ZFPM2: variants seen among roughly 807,000 people sequenced by gnomAD.
ZFPM2 encodes zinc finger protein, FOG family member 2, also known as zinc finger protein ZFPM2.
In ZFPM2, 20 loss-of-function variants were observed where a neutral mutation model predicts 98.6. The observed-to-expected ratio is 0.20, with a 90% CI of 0.14 to 0.29. The LOEUF (loss-of-function observed/expected upper bound fraction) is 0.29, where lower values mean the gene tolerates loss of function less well. ZFPM2 is among the 10% of genes least tolerant of loss of function. The pLI is 1.00. For missense variants in ZFPM2, 1,310 were observed against 1,388.6 expected (o/e 0.94, Z 0.90); for synonymous variants, 518 against 502.7 (o/e 1.03, Z -0.41).
chr8:105,586,372 T>C (rs536269692), intron 4 of ZFPM2, among the ~76,000 whole-genome samples: 1 of 152,052 alleles, frequency 6.6e-6, no homozygotes, highest in Non-Finnish European at 1.5e-5. Flanking sequence ...TTTCATATTT[T>C]TAGAGAAGTA....
intron 1 of ZFPM2, among the ~76,000 whole-genome samples, chr8:105,411,618 A>G (rs768761405): frequency 2.6e-5 from 4 of 151,946 alleles, no homozygotes; most frequent in Non-Finnish European, 5.9e-5. Context: ...TCTCAATCAT[A>G]TAAAAATATA....
At chr8:105,663,879 T>C (rs1181901481) in intron 5 of ZFPM2, among the ~76,000 whole-genome samples, 1 of 152,238 alleles carries the variant, frequency 6.6e-6, no homozygotes, top group Admixed American at 6.5e-5. Context: ...TTCAATTTTT[T>C]GAAAGGCAAA....
intron 4 of ZFPM2, among the ~76,000 whole-genome samples, chr8:105,603,823 C>A (rs1227886037): frequency 6.6e-6 from 1 of 151,926 alleles, no homozygotes; most frequent in East Asian, 1.9e-4. Context: ...CTCCATCAGT[C>A]CCTCCTTCCT....
At chr8:105,599,018 C>T (rs1171671643) in intron 4 of ZFPM2, among the ~76,000 whole-genome samples, 1 of 152,108 alleles carries the variant, frequency 6.6e-6, no homozygotes, top group East Asian at 1.9e-4. Flanking sequence ...CACTAGCTAG[C>T]ATGGCTATGG....
intron 2 of ZFPM2, among the ~76,000 whole-genome samples, chr8:105,440,798 C>G (rs1812221228): frequency 6.6e-6 from 1 of 152,184 alleles, no homozygotes; most frequent in Non-Finnish European, 1.5e-5. Flanking sequence ...CCTGACCTCT[C>G]TCTCCTCCTA....
At chr8:105,639,212 G>A (rs968762157) in intron 5 of ZFPM2, among the ~76,000 whole-genome samples, 11 of 151,924 alleles carry the variant, frequency 7.2e-5, no homozygotes, top group Admixed American at 1.3e-4. Context: ...GCTATCTACC[G>A]TTTGCAAAGT....
At chr8:105,659,861 A>G (rs1817354329) in intron 5 of ZFPM2, among the ~76,000 whole-genome samples, 1 of 152,248 alleles carries the variant, frequency 6.6e-6, no homozygotes, top group Non-Finnish European at 1.5e-5. Context: ...ATAAAAAGAG[A>G]TTACGGATAA....
chr8:105,588,113 T>C (rs1269244432), intron 4 of ZFPM2, among the ~76,000 whole-genome samples: 2 of 152,208 alleles, frequency 1.3e-5, no homozygotes, highest in Non-Finnish European at 2.9e-5. Context: ...TGGATGCATT[T>C]ATAATAAAAT....
At chr8:105,543,176 A>G (rs1352544384) in intron 3 of ZFPM2, among the ~76,000 whole-genome samples, 2 of 152,270 alleles carry the variant, frequency 1.3e-5, no homozygotes. Context: ...ATTTACCTCT[A>G]TCTCCTTTTA....
At chr8:105,416,593 G>GAGTATATATTCCAAAAGA (rs1438028882) in intron 1 of ZFPM2, among the ~76,000 whole-genome samples, 2 of 151,740 alleles carry the variant, frequency 1.3e-5, no homozygotes, top group African/African-American at 4.8e-5. Context: ...GTAAAACTCA[G>GAGTATATATTCCAAAAGA]AGTATATATT....
At chr8:105,669,248 G>A (rs150446288) in intron 5 of ZFPM2, among the ~76,000 whole-genome samples, 3 of 151,816 alleles carry the variant, frequency 2.0e-5, no homozygotes, top group East Asian at 1.9e-4. Context: ...ACATATATAC[G>A]TAATGTCTTG....
rs1276732136 is a variant in ZFPM2, at chr8:105,414,365, G to A, written c.41-4779G>A. Among the ~76,000 whole-genome samples, 3 of 151,918 alleles carry A rather than the reference G, an allele frequency of 2.0e-5. No homozygotes were observed. The East Asian group carries it at 5.8e-4, about 29-fold the overall frequency. ...TCTTAGATGCTTCTTATTCTGAAGT[G>A]CTTTGAATTTACCTGAACAAAGACA... is the stretch of plus-strand genomic sequence containing the variant. On this transcript the variant is annotated intron_variant, in intron 1 of 7. Coordinates refer to ENST00000407775, the MANE Select transcript of ZFPM2 (RefSeq NM_012082.4).
rs1814009380 is a variant in ZFPM2 at position 105,801,411 on chromosome 8, A to G, written c.1329A>G (p.Lys443=). 1 of 1,613,768 alleles carries G rather than the reference A, an allele frequency of 6.2e-7. No homozygotes were observed. Among genetic ancestry groups the G allele is most frequent in the Admixed American group, 1.7e-5 (1 of 59,966 alleles). ...ACACAGAGCTGGACAAGTGTGAGAA[A>G]AAGACTCAGCTCTTTCTCACGAACC... ...SSDTELDKCE[K]KTQLFLTNQR... The change falls in exon 8 of 8, where the codon AAA becomes AAG. Residue 443 remains lysine (K), a synonymous_variant. Transcript: ENST00000407775.
intron 3 of ZFPM2, among the ~76,000 whole-genome samples, chr8:105,560,725 A>G (rs1815116866): frequency 6.6e-6 from 1 of 152,100 alleles, no homozygotes; most frequent in African/African-American, 2.4e-5. Context: ...AGGTTCCAAA[A>G]TATTACTCTG....
intron 5 of ZFPM2, among the ~76,000 whole-genome samples, chr8:105,720,599 C>G (rs1330719564): frequency 1.3e-5 from 2 of 151,838 alleles, no homozygotes; most frequent in Non-Finnish European, 2.9e-5. Context: ...GCCACATCAC[C>G]TAATTGGAAA....
intron 5 of ZFPM2, among the ~76,000 whole-genome samples, chr8:105,680,171 G>T (rs1407241371): frequency 5.9e-5 from 9 of 152,110 alleles, no homozygotes; most frequent in African/African-American, 2.2e-4. Context: ...AAACATTGGA[G>T]GCTTGAATAC....
At chr8:105,581,992 T>A (rs1299129459) in intron 4 of ZFPM2, among the ~76,000 whole-genome samples, 1 of 152,224 alleles carries the variant, frequency 6.6e-6, no homozygotes, top group Non-Finnish European at 1.5e-5. Flanking sequence ...ATCATGCCTG[T>A]TAGGATCAGA....
intron 3 of ZFPM2, among the ~76,000 whole-genome samples, chr8:105,512,299 T>C (rs1481256520): frequency 6.6e-6 from 1 of 152,236 alleles, no homozygotes; most frequent in Non-Finnish European, 1.5e-5. Flanking sequence ...TCATGGGCTG[T>C]ATCACAGCTT....
At chr8:105,346,373 A>G (rs1812527266) in intron 1 of ZFPM2, among the ~76,000 whole-genome samples, 1 of 151,666 alleles carries the variant, frequency 6.6e-6, no homozygotes, top group Non-Finnish European at 1.5e-5. Context: ...AATAAGAGCG[A>G]AACTCCATCT....
Sources: allele counts gnomAD v4.1 joint callset (sites outside exome capture counted in the v4.1 genomes callset), GRCh38; gene constraint gnomAD v4.1.1; transcripts MANE v1.5; gene names NCBI Gene and HGNC (gene_info 2026-07-23, HGNC 2026-07-21).